The following IDH3A variants were observed in gnomAD, a reference collection of about 807,000 sequenced individuals.
IDH3A encodes the protein isocitrate dehydrogenase (NAD(+)) 3 catalytic subunit alpha.
In IDH3A, 23 loss-of-function variants were observed where a neutral mutation model predicts 43.3. The ratio of observed to expected loss-of-function variants is 0.53; its 90% CI spans 0.38 to 0.75. IDH3A has a LOEUF of 0.75. Ranked by LOEUF, IDH3A falls within the 30% of genes least tolerant of loss-of-function variation. IDH3A has a pLI of 0.00. For synonymous variants in IDH3A, 154 were observed against 163.5 expected (o/e 0.94, Z 0.44); for missense variants, 329 against 474.4 (o/e 0.69, Z 2.85).
chr15:78,150,177 C>T (rs1477752389), intron 1 of IDH3A, among the ~76,000 whole-genome samples: 1 of 152,176 alleles, frequency 6.6e-6, no homozygotes, highest in Non-Finnish European at 1.5e-5. Context: ...AGCTCAGATG[C>T]CAGAGCTGGA....
At chr15:78,162,707 G>A (rs1030405406) in intron 6 of IDH3A, among the ~76,000 whole-genome samples, 1 of 151,930 alleles carries the variant, frequency 6.6e-6, no homozygotes, top group Admixed American at 6.6e-5. Context: ...CACCATGACC[G>A]GCTAATTTTT....
chr15:78,157,308 G>A, intron 2 of IDH3A: 8 of 693,038 alleles, frequency 1.2e-5, no homozygotes, highest in Non-Finnish European at 1.7e-5. Flanking sequence ...TATGTAAAGA[G>A]TATCATTTGG....
Position 78,155,241 on chromosome 15 carries a change from A to G in IDH3A, c.56A>G (p.Asn19Ser). Reference protein sequence around the residue: ...KVSRLLGAFHNPKQVTRGFTG... With the variant: ...KVSRLLGAFHSPKQVTRGFTG... ...TCTCGGCTGCTGGGGGCATTCCACA[A>G]CCCAAAACAGGTGACCAGAGGTTTT... is the stretch of plus-strand genomic sequence containing the variant. The change falls in exon 2 of 11, where the codon AAC becomes AGC. Residue 19 changes from asparagine to serine, a missense_variant. Physicochemically the swap from Asn to Ser is conservative, Grantham distance 46. Transcript: ENST00000299518. 1 of 1,613,262 alleles carries G rather than the reference A, an allele frequency of 6.2e-7. No individual in the cohort carries two copies. Among genetic ancestry groups the G allele is most frequent in the Non-Finnish European group, 8.5e-7 (1 of 1,179,262 alleles).
Position 78,169,115 on chromosome 15 carries a change from AT to A in IDH3A, c.*115del. On this transcript the variant is annotated 3_prime_UTR_variant, in exon 11 of 11. Coordinates refer to ENST00000299518, the MANE Select transcript of IDH3A (RefSeq NM_005530.3). ...TGGTTTGCTTGTTTCTTGACAGTACATTTTTAGATCTGGCCTTTTCTTAACA... is the reference window on the plus strand; with the variant it reads ...TGGTTTGCTTGTTTCTTGACAGTACATTTTAGATCTGGCCTTTTCTTAACA... 1.6e-6 allele frequency: 1 copy of A among 606,720 alleles called. No homozygotes were observed. Among genetic ancestry groups the A allele is most frequent in the Non-Finnish European group, 2.8e-6 (1 of 356,156 alleles). The allele number at this position is 606,720 out of a possible 1,614,324, so 37.6% of individuals were successfully genotyped here.
Position 78,165,988 on chromosome 15 carries a change from C to T in IDH3A, c.865-162C>T, listed in dbSNP as rs1204442591. ...ACAGGTGTGAGCTATCACGCCCAAC[C>T]CAGACTTTATTTCTTCAGTCCATAT... On this transcript the variant is annotated intron_variant, in intron 9 of 10. Transcript: ENST00000299518. 2.0e-5 allele frequency: 13 copies of T among 661,542 alleles called. 1 individual carries two copies. Among genetic ancestry groups the T allele is most frequent in the Non-Finnish European group, 3.1e-5 (12 of 388,100 alleles). 41.0% of individuals were successfully genotyped at this position (661,542 alleles called of 1,614,324 possible).
chr15:78,164,915 TTAAAAAC>T, intron 8 of IDH3A, 70 bp from the exon 9 acceptor site: 1 of 1,161,514 alleles, frequency 8.6e-7, no homozygotes. Flanking sequence ...AGAATGATAA[TTAAAAAC>T]TAAAATCTGG....
chr15:78,153,783 C>A (rs937638051), intron 1 of IDH3A, among the ~76,000 whole-genome samples: 2 of 152,040 alleles, frequency 1.3e-5, no homozygotes, highest in African/African-American at 4.8e-5. Context: ...CTTTGGGTGT[C>A]CAAGGCAGGT....
chr15:78,159,448 T>C, intron 3 of IDH3A, among the ~76,000 whole-genome samples: 1 of 152,230 alleles, frequency 6.6e-6, no homozygotes, highest in South Asian at 2.1e-4. Flanking sequence ...CATGATGTTT[T>C]TAAGTTTCAT....
chr15:78,165,155 C>T, intron 9 of IDH3A, 79 bp downstream of exon 9: 1 of 822,932 alleles, frequency 1.2e-6, no homozygotes, highest in South Asian at 1.5e-5. Flanking sequence ...TATAAGTATG[C>T]TTTAACTCCA....
chr15:78,163,856 T>C (rs1233129791), intron 8 of IDH3A, 76 bp downstream of exon 8: 11 of 925,492 alleles, frequency 1.2e-5, no homozygotes, highest in Middle Eastern at 2.2e-4. Flanking sequence ...TGGCTTAACA[T>C]TTTCAATTGA....
chr15:78,171,358 T>C lies in IDH3A; in HGVS notation c.*2353T>C. On this transcript the variant is annotated 3_prime_UTR_variant, in exon 11 of 11. Coordinates refer to ENST00000299518, the MANE Select transcript of IDH3A (RefSeq NM_005530.3). ...CTAACAGACTTGGCAGAAATGCCTG[T>C]GCCCAGACTGAAGAGACCTGGGGCT... 2.7e-6 allele frequency: 3 copies of C among 1,125,144 alleles called. No individual in the cohort carries two copies. Among genetic ancestry groups the C allele is most frequent in the Non-Finnish European group, 3.9e-6 (3 of 764,088 alleles). The allele number at this position is 1,125,144 out of a possible 1,614,324, so 69.7% of individuals were successfully genotyped here. A position where few individuals can be genotyped will look rare whatever the true frequency, so the allele number is the denominator to read the frequency against.
chr15:78,153,091 G>T (rs76993890), intron 1 of IDH3A, among the ~76,000 whole-genome samples: 10,385 of 151,932 alleles, frequency 0.068, 442 homozygotes, highest in African/African-American at 0.12. Flanking sequence ...GTTTGAGTCG[G>T]GTCTTTTTCA....
intron 1 of IDH3A, among the ~76,000 whole-genome samples, chr15:78,149,640 A>AGC (rs1292105835): frequency 2.0e-5 from 3 of 152,148 alleles, no homozygotes; most frequent in African/African-American, 7.2e-5. Context: ...CCGGGTCAGC[A>AGC]GCGCAGAGGC....
chr15:78,166,185 C>T lies in IDH3A; in HGVS notation c.900C>T (p.Asp300=), dbSNP rs367628741. ...HGTAPDIAGK[D]MANPTALLLS... ...CGGCTCCAGACATTGCAGGCAAGGA[C>T]ATGGCGAATCCCACAGCCCTCCTGC... The change falls in exon 10 of 11, where the codon GAC becomes GAT. Residue 300 remains aspartate, a synonymous_variant. Coordinates refer to ENST00000299518, the MANE Select transcript of IDH3A (RefSeq NM_005530.3). 130 of 1,614,198 alleles carry T rather than the reference C, an allele frequency of 8.1e-5. No individual in the cohort carries two copies. The Middle Eastern group carries it at 3.3e-3, about 41-fold the overall frequency.
At chr15:78,157,376 T>C in intron 2 of IDH3A, 172 bp from the exon 3 acceptor site, 1 of 632,616 alleles carries the variant, frequency 1.6e-6, no homozygotes, top group Non-Finnish European at 2.6e-6. Context: ...CTCTCCTCTG[T>C]TGATTCCTGC....
rs751155721 is a variant in IDH3A at position 78,162,380 on chromosome 15, C to CG, written c.611+18dup. On this transcript the variant is annotated intron_variant, in intron 6 of 10. Coordinates refer to ENST00000299518, the MANE Select transcript of IDH3A (RefSeq NM_005530.3). ...AAGCCAACATCATGTGAGCTCCTTG[C>CG]GGGGGCCGGCACCCCATCTTGCTTT... The CG allele has an allele frequency of 6.2e-7, 1 of 1,612,158 alleles. No homozygotes were observed. Among genetic ancestry groups the CG allele is most frequent in the Admixed American group, 1.7e-5 (1 of 59,964 alleles).
At chr15:78,164,037 T>TTTGA (rs755108724) in intron 8 of IDH3A, among the ~76,000 whole-genome samples, 1 of 152,148 alleles carries the variant, frequency 6.6e-6, no homozygotes, top group Non-Finnish European at 1.5e-5. Flanking sequence ...TTTTTAAATG[T>TTTGA]TTGATTGATT....
At chr15:78,162,424 C>T in intron 6 of IDH3A, 57 bp downstream of exon 6, 1 of 1,581,620 alleles carries the variant, frequency 6.3e-7, no homozygotes, top group East Asian at 2.2e-5. Context: ...AGAGCAGTGA[C>T]AGGGCTTCCC....
rs1481509445 is a variant in IDH3A, at chr15:78,160,115, G to A, written c.198G>A (p.Arg66=). The A allele has an allele frequency of 6.2e-7, 1 of 1,612,360 alleles. No individual in the cohort carries two copies. Among genetic ancestry groups the A allele is most frequent in the East Asian group, 2.2e-5 (1 of 44,874 alleles). Residue 66 remains arginine, a synonymous_variant, in exon 4 of 11, where the codon CGG becomes CGA. Transcript: ENST00000299518. ...AAKAPIQWEE[R]NVTAIQGPGG... ...AGGCACCTATTCAGTGGGAGGAGCG[G>A]AACGTCACTGCCATTCAAGGACCTG...
Sources: allele counts gnomAD v4.1 joint callset (sites outside exome capture counted in the v4.1 genomes callset), GRCh38; gene constraint gnomAD v4.1.1; transcripts MANE v1.5; gene names NCBI Gene and HGNC (gene_info 2026-07-23, HGNC 2026-07-21).